The following ERVK3-1 variants were observed in gnomAD, a reference collection of about 807,000 sequenced individuals.
The protein encoded by ERVK3-1 is HERV-K(HML6-1).
At chr19:58,311,263 A>G (rs1340287670) in intron 2 of ERVK3-1, 1 of 152,178 alleles carries the variant, frequency 6.6e-6, no homozygotes, top group Non-Finnish European at 1.5e-5. Flanking sequence ...AGCACCTTAA[A>G]ACCAGAACTG....
At chr19:58,314,999 C>G (rs2051582147) in exon 4 of ERVK3-1, 1 of 383,656 alleles carries the variant, frequency 2.6e-6, no homozygotes, top group Admixed American at 4.5e-5. Flanking sequence ...GTCCCAGGTC[C>G]CGTGCTCCTT....
At chr19:58,307,370 C>T (rs1032547467) in intron 2 of ERVK3-1, among the ~76,000 whole-genome samples, 3 of 152,128 alleles carry the variant, frequency 2.0e-5, no homozygotes, top group Non-Finnish European at 2.9e-5. Flanking sequence ...CATTAGCACC[C>T]GTGAGATGTA....
chr19:58,311,922 A>G, intron 2 of ERVK3-1: 1 of 325,228 alleles, frequency 3.1e-6, no homozygotes, highest in Non-Finnish European at 5.6e-6. Context: ...CATGCTGAAA[A>G]AACAAAAAGG....
At chr19:58,306,876 A>G (rs962469060) in intron 2 of ERVK3-1, among the ~76,000 whole-genome samples, 2 of 152,260 alleles carry the variant, frequency 1.3e-5, no homozygotes, top group African/African-American at 4.8e-5. Context: ...ATAATGGAAT[A>G]CAGAGCCCAT....
In ERVK3-1 at chr19:58,312,377, A is replaced by C. The variant is rs570993283; in HGVS notation, c.209A>C (p.Glu70Ala). 5.0e-6 allele frequency: 2 copies of C among 400,186 alleles called. No individual in the cohort carries two copies. The highest frequency in any genetic ancestry group is 8.8e-5 in the Admixed American group (2 of 22,730). 24.8% of individuals were successfully genotyped at this position (400,186 alleles called of 1,614,324 possible). Residue 70 changes from glutamate (E) to alanine (A), a missense_variant, in exon 3 of 4, where the codon GAA (glutamate) becomes GCA (alanine). Transcript: ENST00000413518. This position sits in a 1 kb window ranked among gnomAD's most constrained non-coding sequence, Gnocchi z 4.7. ...GGACAGATCAAGAAAACGACACAAG[A>C]AGCTGAGAAACTACTGGAGCGCCAG... is the stretch of plus-strand genomic sequence containing the variant.
chr19:58,314,693 C>T, intron 3 of ERVK3-1, 55 bp from the exon 4 acceptor site: 1 of 302,298 alleles, frequency 3.3e-6, no homozygotes, highest in Non-Finnish European at 6.1e-6. Flanking sequence ...TTCAATGTCT[C>T]TTTTATAATA....
exon 4 of ERVK3-1, chr19:58,314,970 G>T: frequency 2.6e-6 from 1 of 390,256 alleles, no homozygotes; most frequent in South Asian, 1.4e-4. Context: ...CCGCCAGAAG[G>T]AATGCTGGGG....
intron 2 of ERVK3-1, among the ~76,000 whole-genome samples, chr19:58,307,049 G>A (rs184741969): frequency 7.5e-4 from 114 of 152,314 alleles, no homozygotes; most frequent in Admixed American, 1.8e-3. Context: ...CTCACCGCTG[G>A]ACATGGGAAC....
At position 58,310,257 on chromosome 19, in the gene ERVK3-1, T is replaced by C. The variant is rs1264881247; in HGVS notation, c.-3-1909T>C. On this transcript the variant is annotated intron_variant, in intron 2 of 3. Coordinates refer to ENST00000413518, the Ensembl canonical transcript of ERVK3-1. The surrounding 1 kb of genome is among the most constrained non-coding windows in gnomAD (Gnocchi z 4.7). Reference sequence around the variant, plus strand: ...GCATTAAAACTGCCACTATCAAGAGTGTACGGACCAGCCCCACAGGGTCGG... The same window carrying C: ...GCATTAAAACTGCCACTATCAAGAGCGTACGGACCAGCCCCACAGGGTCGG... 6.6e-6 allele frequency: 1 copy of C among 152,284 alleles called. No individual in the cohort carries two copies. The highest frequency in any genetic ancestry group is 1.5e-5 in the Non-Finnish European group (1 of 68,158). The allele number at this position is 152,284 out of a possible 1,614,324, so 9.4% of individuals were successfully genotyped here. A position where few individuals can be genotyped will look rare whatever the true frequency, so the allele number is the denominator to read the frequency against.
intron 2 of ERVK3-1, chr19:58,311,926 A>C: frequency 3.0e-6 from 1 of 332,044 alleles, no homozygotes; most frequent in Non-Finnish European, 5.4e-6. Context: ...CTGAAAAAAC[A>C]AAAAGGGAGA....
intron 2 of ERVK3-1, among the ~76,000 whole-genome samples, chr19:58,307,078 T>C (rs939878650): frequency 3.9e-5 from 6 of 152,214 alleles, no homozygotes; most frequent in Non-Finnish European, 7.3e-5. Context: ...GGAAATGCTA[T>C]TGGGTAGTGA....
At chr19:58,309,147 A>G (rs2051541763) in intron 2 of ERVK3-1, 1 of 152,226 alleles carries the variant, frequency 6.6e-6, no homozygotes, top group East Asian at 1.9e-4. Flanking sequence ...GGCATGCTCA[A>G]CAGTCCTACG....
intron 2 of ERVK3-1, among the ~76,000 whole-genome samples, chr19:58,307,654 A>C (rs2051532724): frequency 6.6e-6 from 1 of 151,268 alleles, no homozygotes; most frequent in Admixed American, 6.6e-5. Context: ...ACACAGAAAA[A>C]AAAACACCAG....
At chr19:58,314,626 CAAAAAAAAAAAA>C (rs58275693) in intron 3 of ERVK3-1, 110 bp from the exon 4 acceptor site, 2 of 58,982 alleles carry the variant, frequency 3.4e-5, no homozygotes, top group African/African-American at 6.1e-5. Context: ...GACTCCATCT[CAAAAAAAAAAAA>C]AAAAAAAAAA....
At chr19:58,307,621 G>T (rs1306883035) in intron 2 of ERVK3-1, among the ~76,000 whole-genome samples, 1 of 73,104 alleles carries the variant, frequency 1.4e-5, no homozygotes. Flanking sequence ...CCCCCTCCCC[G>T]CCCCGCTCCC....
At chr19:58,314,750 T>C (rs942553017) in exon 4 of ERVK3-1, 17 of 399,652 alleles carry the variant, frequency 4.3e-5, no homozygotes, top group Middle Eastern at 1.2e-3. Context: ...GCTCATAGTC[T>C]ATAGGATCGG....
Position 58,313,004 on chromosome 19 carries a change from A to G in ERVK3-1, c.294+542A>G, listed in dbSNP as rs1471026340. ...CAAACTTCACTGGCACTGGTGGTGG[A>G]CCTTCAACACCTCTTCATCACATCA... On this transcript the variant is annotated intron_variant, in intron 3 of 3. Coordinates refer to ENST00000413518, the Ensembl canonical transcript of ERVK3-1. The surrounding 1 kb of genome is among the most constrained non-coding windows in gnomAD (Gnocchi z 4.5). The G allele has an allele frequency of 6.6e-6, 1 of 152,224 alleles. No homozygotes were observed. Among genetic ancestry groups the G allele is most frequent in the Non-Finnish European group, 1.5e-5 (1 of 68,088 alleles). 9.4% of individuals were successfully genotyped at this position (152,224 alleles called of 1,614,324 possible). A position where few individuals can be genotyped will look rare whatever the true frequency, so the allele number is the denominator to read the frequency against.
exon 4 of ERVK3-1, chr19:58,315,551 T>A (rs140365698): frequency 1.3e-5 from 2 of 152,276 alleles, no homozygotes; most frequent in Admixed American, 1.3e-4. Context: ...TGAATAATAC[T>A]GCATTGTATG....
At chr19:58,309,156 C>T (rs530648984) in intron 2 of ERVK3-1, 27 of 152,272 alleles carry the variant, frequency 1.8e-4, no homozygotes, top group Admixed American at 5.2e-4. Context: ...AACAGTCCTA[C>T]GTTATGTCAG....
Sources: allele counts gnomAD v4.1 joint callset (sites outside exome capture counted in the v4.1 genomes callset), GRCh38; gene constraint gnomAD v4.1.1; non-coding constraint Gnocchi (gnomAD v3.1); transcripts MANE v1.5; gene names NCBI Gene and HGNC (gene_info 2026-07-23, HGNC 2026-07-21).